Variants in CYP2C18 observed in about 807,000 individuals in gnomAD.
CYP2C18 encodes cytochrome P450 2C18.
A neutral mutation model predicts 41.3 loss-of-function variants in CYP2C18; 38 were observed. The ratio of observed to expected loss-of-function variants is 0.92; its 90% CI spans 0.71 to 1.21. The LOEUF (loss-of-function observed/expected upper bound fraction) is 1.21. CYP2C18 is among the 50% of genes most tolerant of loss of function. The probability of loss-of-function intolerance (pLI) is 0.00; values close to 1 mark genes in which losing one functional copy is unlikely to be tolerated. For synonymous variants in CYP2C18, 236 were observed against 210.0 expected, an observed-to-expected ratio of 1.12 and a Z score of -1.07; for missense variants, 635 against 591.4, an observed-to-expected ratio of 1.07 and a Z score of -0.77.
intron 7 of CYP2C18, among the ~76,000 whole-genome samples, chr10:94,731,093 A>G (rs1847823741): frequency 6.6e-6 from 1 of 152,194 alleles, no homozygotes; most frequent in African/African-American, 2.4e-5. Flanking sequence ...TAAAATGGCC[A>G]TACTGGGCCA....
At chr10:94,716,329 C>A (rs1267657209) in intron 5 of CYP2C18, among the ~76,000 whole-genome samples, 4 of 152,034 alleles carry the variant, frequency 2.6e-5, no homozygotes, top group Non-Finnish European at 5.9e-5. Flanking sequence ...TAGTGCTATA[C>A]ATTTCCCTCT....
chr10:94,709,612 AATTT>A lies in CYP2C18; in HGVS notation c.819+2665_819+2668del, dbSNP rs990119084. ...CAAGTTTTTAGTTTTTGTGAAATCC[AATTT>A]ATTTATTTATTTGCATGGTTTCTTG... On this transcript the variant is annotated intron_variant, in intron 5 of 8. Transcript: ENST00000285979. 4.1e-4 allele frequency among the ~76,000 whole-genome samples: 62 copies of A among 152,024 alleles called. 1 individual carries two copies. Among genetic ancestry groups the A allele is most frequent in the African/African-American group, 1.1e-3 (47 of 41,400 alleles).
chr10:94,699,049 T>A (rs1463811135), intron 4 of CYP2C18, among the ~76,000 whole-genome samples: 1 of 152,050 alleles, frequency 6.6e-6, no homozygotes, highest in East Asian at 1.9e-4. Flanking sequence ...CTATCATAGG[T>A]ACAAGGAGGA....
In CYP2C18 at chr10:94,715,816, C is replaced by CTT. The variant is rs140517646; in HGVS notation, c.820-4572_820-4571dup. Among the ~76,000 whole-genome samples the CTT allele has an allele frequency of 6.9e-3, 1,049 of 151,136 alleles. 6 individuals carry two copies. The highest frequency in any genetic ancestry group is 0.017 in the Middle Eastern group (5 of 290). Reference sequence around the variant, plus strand: ...GGCTGTGAATCCATCTGGTCCTGGACTTTTTTTTTGTTGGTAGGCTCTTAA... The same window carrying CTT: ...GGCTGTGAATCCATCTGGTCCTGGACTTTTTTTTTTTGTTGGTAGGCTCTTAA... On this transcript the variant is annotated intron_variant, in intron 5 of 8. Transcript: ENST00000285979.
intron 5 of CYP2C18, among the ~76,000 whole-genome samples, chr10:94,707,563 G>A (rs1041939464): frequency 1.3e-5 from 2 of 152,112 alleles, no homozygotes; most frequent in Admixed American, 6.6e-5. Flanking sequence ...GTATATGTGT[G>A]AGCCCTAACA....
intron 4 of CYP2C18, among the ~76,000 whole-genome samples, chr10:94,701,918 T>C (rs974187266): frequency 2.6e-5 from 4 of 152,226 alleles, no homozygotes; most frequent in Admixed American, 1.3e-4. Context: ...GCAGTGGCAT[T>C]ACAGAAACAG....
At chr10:94,687,190 C>G (rs565967296) in intron 1 of CYP2C18, among the ~76,000 whole-genome samples, 1 of 152,314 alleles carries the variant, frequency 6.6e-6, no homozygotes, top group South Asian at 2.1e-4. Context: ...TGGATCCACT[C>G]TCCTTCTGTG....
chr10:94,731,257 G>A (rs549849684), intron 7 of CYP2C18, among the ~76,000 whole-genome samples: 6 of 152,104 alleles, frequency 3.9e-5, no homozygotes, highest in African/African-American at 7.2e-5. Context: ...GCAAGTGCCT[G>A]TAGTCCCAGC....
At chr10:94,705,555 A>T (rs909702093) in intron 4 of CYP2C18, among the ~76,000 whole-genome samples, 1 of 152,182 alleles carries the variant, frequency 6.6e-6, no homozygotes, top group Non-Finnish European at 1.5e-5. Flanking sequence ...ACTGTTTTTA[A>T]GTTGCCATTT....
intron 4 of CYP2C18, among the ~76,000 whole-genome samples, chr10:94,696,821 T>C (rs1847126369): frequency 6.6e-6 from 1 of 152,082 alleles, no homozygotes; most frequent in Non-Finnish European, 1.5e-5. Context: ...GCCCGAGAAT[T>C]ATGTGATGAA....
intron 4 of CYP2C18, among the ~76,000 whole-genome samples, chr10:94,699,239 T>C (rs756624395): frequency 5.3e-5 from 8 of 152,144 alleles, no homozygotes; most frequent in Non-Finnish European, 1.2e-4. Flanking sequence ...AACAAAATAC[T>C]GGCAAACCGA....
At chr10:94,711,189 A>G (rs1355862857) in intron 5 of CYP2C18, among the ~76,000 whole-genome samples, 1 of 151,992 alleles carries the variant, frequency 6.6e-6, no homozygotes, top group African/African-American at 2.4e-5. Context: ...CTCTGTCTTC[A>G]TGTCTGTAGT....
chr10:94,686,875 G>A (rs1010570), intron 1 of CYP2C18, among the ~76,000 whole-genome samples: 47,283 of 152,016 alleles, frequency 0.31, 7,792 homozygotes, highest in South Asian at 0.47. Context: ...GAAAATGGTA[G>A]TGGAAGTGTT....
intron 3 of CYP2C18, among the ~76,000 whole-genome samples, chr10:94,691,130 T>A (rs2134176727): frequency 6.6e-6 from 1 of 152,288 alleles, no homozygotes; most frequent in African/African-American, 2.4e-5. Flanking sequence ...GGATGCCCTC[T>A]CTCACCACTC....
intron 4 of CYP2C18, among the ~76,000 whole-genome samples, chr10:94,704,902 T>C (rs1034446293): frequency 3.9e-5 from 6 of 152,148 alleles, no homozygotes; most frequent in Non-Finnish European, 7.4e-5. Flanking sequence ...TTTTGAGAAA[T>C]GTCCATTGCT....
intron 5 of CYP2C18, among the ~76,000 whole-genome samples, chr10:94,709,875 C>T (rs7917985): frequency 0.23 from 34,268 of 152,094 alleles, 4,174 homozygotes; most frequent in African/African-American, 0.3. Context: ...ATTGAGTGAT[C>T]GTGGTACATT....
Position 94,735,308 on chromosome 10 carries a change from T to C in CYP2C18, c.1337T>C (p.Phe446Ser). The change falls in exon 9 of 9, where the codon TTT (phenylalanine) becomes TCT (serine). Residue 446 changes from phenylalanine (F) to serine (S), a missense_variant. By Grantham distance (155) the Phe-to-Ser change is radical. Transcript: ENST00000285979. Reference protein sequence around the residue: ...MGEGLARMELFLFLTTILQNF... With the variant: ...MGEGLARMELSLFLTTILQNF... ...GAGGGCCTGGCCCGCATGGAGCTGT[T>C]TTTATTCCTGACCACCATTTTGCAG... 6.2e-7 allele frequency: 1 copy of C among 1,613,714 alleles called. No homozygotes were observed. Among genetic ancestry groups the C allele is most frequent in the Non-Finnish European group, 8.5e-7 (1 of 1,179,730 alleles).
chr10:94,717,992 G>A (rs906473855), intron 5 of CYP2C18, among the ~76,000 whole-genome samples: 1 of 151,954 alleles, frequency 6.6e-6, no homozygotes, highest in Admixed American at 6.6e-5. Context: ...TTCTAAGAGA[G>A]ATAACATTGG....
intron 5 of CYP2C18, among the ~76,000 whole-genome samples, chr10:94,708,978 G>T (rs998585304): frequency 5.3e-5 from 8 of 152,082 alleles, no homozygotes; most frequent in Non-Finnish European, 7.4e-5. Flanking sequence ...TTCATTAGTT[G>T]TTGGTTTTGA....
Sources: gnomAD v4.1 joint callset for allele counts (sites outside exome capture counted in the v4.1 genomes callset) on GRCh38, gnomAD v4.1.1 for gene constraint, MANE v1.5 for transcripts, NCBI Gene and HGNC (gene_info 2026-07-23, HGNC 2026-07-21) for gene names.